The following PCDHA4 variants were observed in gnomAD, a reference collection of about 807,000 sequenced individuals.
PCDHA4 encodes protocadherin alpha 4, also known as protocadherin alpha-4.
Under a neutral mutation model 61.4 loss-of-function variants are expected in PCDHA4, and 49 were observed. The observed-to-expected ratio is 0.80, with a 90% CI of 0.63 to 1.01. The LOEUF is 1.01. PCDHA4 is among the 50% of genes least tolerant of loss of function. The pLI is 0.00. For synonymous variants in PCDHA4, 590 were observed against 550.3 expected (o/e 1.07, Z -1.01); for missense variants, 1,254 against 1,235.8 (o/e 1.01, Z -0.22).
chr5:140,928,973 T>G (rs782178426), intron 1 of PCDHA4: 3 of 1,613,958 alleles, frequency 1.9e-6, no homozygotes, highest in Non-Finnish European at 2.5e-6. Flanking sequence ...ATTTCCTTTT[T>G]ATTTCTGGGG....
chr5:140,942,796 G>C (rs2093370095), intron 1 of PCDHA4, among the ~76,000 whole-genome samples: 1 of 152,002 alleles, frequency 6.6e-6, no homozygotes, highest in Non-Finnish European at 1.5e-5. Flanking sequence ...ACAAAGGCAT[G>C]TTTTCCACAA....
chr5:140,962,920 T>C (rs2095718930), intron 1 of PCDHA4, among the ~76,000 whole-genome samples: 1 of 152,186 alleles, frequency 6.6e-6, no homozygotes, highest in South Asian at 2.1e-4. Context: ...ATTTGACAGA[T>C]ACTTCTCAAC....
chr5:140,842,359 C>T (rs1157712945), intron 1 of PCDHA4: 5 of 1,606,532 alleles, frequency 3.1e-6, no homozygotes, highest in Non-Finnish European at 4.3e-6. Context: ...AAAATGATAA[C>T]GTCCCTGAGA....
At chr5:140,888,551 T>G (rs2061873493) in intron 1 of PCDHA4, among the ~76,000 whole-genome samples, 1 of 152,240 alleles carries the variant, frequency 6.6e-6, no homozygotes, top group Admixed American at 6.5e-5. Flanking sequence ...TACCAATTTA[T>G]TCCTTTCAAG....
intron 1 of PCDHA4, among the ~76,000 whole-genome samples, chr5:140,943,312 A>G (rs1229555554): frequency 1.3e-5 from 2 of 150,890 alleles, no homozygotes; most frequent in African/African-American, 2.4e-5. Context: ...AGTCATTATT[A>G]GCAATATTGT....
At position 141,009,867 on chromosome 5, in the gene PCDHA4, A is replaced by C. The variant is rs374660085; in HGVS notation, c.2774A>C (p.Lys925Thr). 4.3e-6 allele frequency: 7 copies of C among 1,613,976 alleles called. No individual in the cohort carries two copies. The African/African-American group carries it at 9.3e-5, about 22-fold the overall frequency. ...GAGGAGACCAAGAAAAAGAAGAAAA[A>C]GAAGAAGGGTAACAAGACCCAGGAG... Reference protein sequence around the residue: ...KKEETKKKKKKKKGNKTQEKK... With the variant: ...KKEETKKKKKTKKGNKTQEKK... Residue 925 changes from lysine (K) to threonine (T), a missense_variant, in exon 4 of 4, where the codon AAG becomes ACG. Coordinates refer to ENST00000530339, the MANE Select transcript of PCDHA4 (RefSeq NM_018907.4).
chr5:140,812,316 T>C (rs1271799931), intron 1 of PCDHA4: 7 of 152,138 alleles, frequency 4.6e-5, no homozygotes, highest in African/African-American at 1.7e-4. Context: ...AAAAGCCTCT[T>C]ATAATTGTGG....
At chr5:140,830,281 C>A (rs2150184212) in intron 1 of PCDHA4, 1 of 1,613,822 alleles carries the variant, frequency 6.2e-7, no homozygotes, top group Non-Finnish European at 8.5e-7. Flanking sequence ...CCACCGAGGG[C>A]GCGTGCACGG....
intron 1 of PCDHA4, chr5:140,882,487 C>G: frequency 6.2e-7 from 1 of 1,614,054 alleles, no homozygotes; most frequent in Non-Finnish European, 8.5e-7. Flanking sequence ...GACACGGGGA[C>G]CTTCTGGAGG....
intron 1 of PCDHA4, among the ~76,000 whole-genome samples, chr5:140,948,945 A>C: frequency 6.6e-6 from 1 of 151,662 alleles, no homozygotes; most frequent in East Asian, 1.9e-4. Flanking sequence ...TCTAATATAA[A>C]AAAATTAAAG....
intron 1 of PCDHA4, chr5:140,822,046 C>T (rs2150113189): frequency 6.2e-6 from 10 of 1,614,162 alleles, no homozygotes; most frequent in Middle Eastern, 3.3e-4. Flanking sequence ...TCGGATCGAC[C>T]GGGAGGAGCT....
rs1554124908 is a variant in PCDHA4, at chr5:140,808,943, G to A, written c.1756G>A (p.Gly586Ser). ...AVSELVPWSVGVGHVVAKVRA... is the reference protein window; with the variant it reads ...AVSELVPWSVSVGHVVAKVRA... The stretch of plus-strand genomic sequence containing the variant: ...GAGCGAGCTGGTGCCATGGTCGGTG[G>A]GTGTGGGCCACGTGGTGGCAAAGGT... The change falls in exon 1 of 4, where the codon GGT becomes AGT. Residue 586 changes from glycine to serine, a missense_variant. Gly to Ser is a moderately conservative substitution (Grantham distance 56). Coordinates refer to ENST00000530339, the MANE Select transcript of PCDHA4 (RefSeq NM_018907.4). 4 of 1,613,730 alleles carry A rather than the reference G, an allele frequency of 2.5e-6. No homozygotes were observed. The highest frequency in any genetic ancestry group is 2.2e-5 in the East Asian group (1 of 44,876).
At chr5:140,870,273 C>G (rs1307506968) in intron 1 of PCDHA4, 3 of 1,614,192 alleles carry the variant, frequency 1.9e-6, no homozygotes, top group South Asian at 2.2e-5. Flanking sequence ...CGCTGACGCC[C>G]CACGTTCCCT....
At position 140,838,077 on chromosome 5, in the gene PCDHA4, A is replaced by AGTGT. The variant is rs57130401; in HGVS notation, c.2385+28556_2385+28559dup. On this transcript the variant is annotated intron_variant, in intron 1 of 3. Transcript: ENST00000530339. ...TTTCCACTTTAAGTTATATATATAT[A>AGTGT]GTGTGTGTGTGTGTGTGTGTGTGTG... is the stretch of plus-strand genomic sequence containing the variant. Among the ~76,000 whole-genome samples, 532 of 80,648 alleles carry AGTGT rather than the reference A, an allele frequency of 6.6e-3. 5 individuals are homozygous for AGTGT. Among genetic ancestry groups the AGTGT allele is most frequent in the South Asian group, 0.011 (25 of 2,340 alleles). The allele number at this position is 80,648 out of a possible 152,430, so 52.9% of individuals were successfully genotyped here.
At chr5:140,838,599 C>T (rs1240521392) in intron 1 of PCDHA4, among the ~76,000 whole-genome samples, 1 of 151,906 alleles carries the variant, frequency 6.6e-6, no homozygotes, top group African/African-American at 2.4e-5. Context: ...ACCGAATTGT[C>T]TAGACTTTTA....
At chr5:140,856,624 G>T in intron 1 of PCDHA4, 1 of 1,597,992 alleles carries the variant, frequency 6.3e-7, no homozygotes, top group Non-Finnish European at 8.6e-7. Context: ...AATTCCCAGT[G>T]CTTGTTCTGC....
At chr5:140,874,703 A>G (rs782809395) in intron 1 of PCDHA4, among the ~76,000 whole-genome samples, 16 of 152,270 alleles carry the variant, frequency 1.1e-4, no homozygotes, top group Admixed American at 7.2e-4. Flanking sequence ...TATGGAAATG[A>G]GAGCAGTTAT....
In PCDHA4 at chr5:140,856,020, G is replaced by C. The variant is rs782082828; in HGVS notation, c.2385+46448G>C. 111 of 1,553,262 alleles carry C rather than the reference G, an allele frequency of 7.1e-5. 11 individuals are homozygous for C. Among genetic ancestry groups the C allele is most frequent in the Non-Finnish European group, 9.5e-5 (109 of 1,143,834 alleles). ...TATGTGCGTTCTAGACCGCTGATTC[G>C]TCGATTTGTAAAACAAGAGAAGGAT... On this transcript the variant is annotated intron_variant, in intron 1 of 3. Coordinates refer to ENST00000530339, the MANE Select transcript of PCDHA4 (RefSeq NM_018907.4).
At chr5:140,956,098 GA>G (rs2095256801) in intron 1 of PCDHA4, among the ~76,000 whole-genome samples, 1 of 152,160 alleles carries the variant, frequency 6.6e-6, no homozygotes, top group African/African-American at 2.4e-5. Context: ...TGCAAACAAA[GA>G]TAATTTGATT....
Sources: gnomAD v4.1 joint callset for allele counts (sites outside exome capture counted in the v4.1 genomes callset) on GRCh38, gnomAD v4.1.1 for gene constraint, MANE v1.5 for transcripts, NCBI Gene and HGNC (gene_info 2026-07-23, HGNC 2026-07-21) for gene names.